ZSCAN5A: variants seen among roughly 807,000 people sequenced by gnomAD.
ZSCAN5A encodes the protein zinc finger and SCAN domain-containing protein 5A.
In ZSCAN5A, 12 loss-of-function variants were observed where a neutral mutation model predicts 23.7. The observed-to-expected ratio is 0.51, with a 90% CI of 0.32 to 0.82. The LOEUF is 0.82. Among genes scored for constraint, ZSCAN5A ranks in the 40% least tolerant of loss-of-function variants. ZSCAN5A has a pLI of 0.03. For synonymous variants in ZSCAN5A, 257 were observed against 239.9 expected (o/e 1.07, Z -0.66); for missense variants, 597 against 617.9 (o/e 0.97, Z 0.36).
At chr19:56,301,881 A>C (rs890532890) in intron 2 of ZSCAN5A, 2 of 1,229,398 alleles carry the variant, frequency 1.6e-6, no homozygotes, top group African/African-American at 3.1e-5. Flanking sequence ...GAGTTTGGAG[A>C]TCAGAATGGA....
chr19:56,225,130 C>T lies in ZSCAN5A; in HGVS notation c.-84G>A, dbSNP rs1297194539. 8 of 1,500,634 alleles carry T rather than the reference C, an allele frequency of 5.3e-6. No homozygotes were observed. In the South Asian group the frequency reaches 9.6e-5, roughly 18 times the overall value. The allele number at this position is 1,500,634 out of a possible 1,614,324, so 93.0% of individuals were successfully genotyped here. ...AATTGATACCTATCTACACAGGCTT[C>T]CTCTGGTTTTCCTCAGTAATAGATT... On this transcript the variant is annotated 5_prime_UTR_variant, in exon 3 of 6. Transcript: ENST00000683990.
intron 4 of ZSCAN5A, 135 bp from the exon 5 acceptor site, chr19:56,222,876 G>C (rs2033432669): frequency 1.7e-6 from 2 of 1,185,102 alleles, no homozygotes; most frequent in African/African-American, 1.5e-5. Flanking sequence ...ACTTCCCCTG[G>C]ACCACCCCAT....
At chr19:56,254,075 A>T (rs377352350) in intron 2 of ZSCAN5A, among the ~76,000 whole-genome samples, 60 of 126,714 alleles carry the variant, frequency 4.7e-4, no homozygotes, top group African/African-American at 1.4e-3. Flanking sequence ...TTTTTTTTTT[A>T]AATAAGTCTT....
At chr19:56,320,108 T>G in intron 2 of ZSCAN5A, 1 of 766,938 alleles carries the variant, frequency 1.3e-6, no homozygotes, top group Non-Finnish European at 2.4e-6. Flanking sequence ...TAGGCTAATT[T>G]CAGAGCCATC....
intron 2 of ZSCAN5A, chr19:56,245,484 G>T: frequency 1.8e-6 from 1 of 546,032 alleles, no homozygotes; most frequent in South Asian, 2.3e-5. Flanking sequence ...GGAGAAAACT[G>T]AGTGTGCCTC....
chr19:56,244,093 C>T lies in ZSCAN5A; in HGVS notation c.-127-18920G>A. On this transcript the variant is annotated intron_variant, in intron 2 of 5. Transcript: ENST00000683990. Reference sequence around the variant, plus strand: ...GGGGTCAGGGAGGACCCTGCAACAGCCCTGAGTCAGAGCCGCCACAGTCTG... The same window carrying T: ...GGGGTCAGGGAGGACCCTGCAACAGTCCTGAGTCAGAGCCGCCACAGTCTG... 3 of 1,399,264 alleles carry T rather than the reference C, an allele frequency of 2.1e-6. No individual in the cohort carries two copies. The South Asian group carries it at 3.6e-5, about 17-fold the overall frequency. 86.7% of individuals were successfully genotyped at this position (1,399,264 alleles called of 1,614,324 possible).
At chr19:56,264,073 A>G (rs2037305129) in intron 2 of ZSCAN5A, among the ~76,000 whole-genome samples, 1 of 151,532 alleles carries the variant, frequency 6.6e-6, no homozygotes, top group South Asian at 2.1e-4. Flanking sequence ...GGCTCACTGC[A>G]ACCTCCGCCT....
chr19:56,302,572 T>C (rs1327056828), intron 2 of ZSCAN5A, among the ~76,000 whole-genome samples: 35 of 61,880 alleles, frequency 5.7e-4, no homozygotes, highest in African/African-American at 2.9e-3. Context: ...CCCTTCCTTT[T>C]CTTCCTCCCC....
At chr19:56,284,177 T>C in intron 2 of ZSCAN5A, 1 of 985,454 alleles carries the variant, frequency 1.0e-6, no homozygotes, top group Non-Finnish European at 1.2e-6. Context: ...ATGCTGACTC[T>C]CCTGGATGGG....
At chr19:56,337,684 C>CTGGGT (rs1306362704) in intron 2 of ZSCAN5A, among the ~76,000 whole-genome samples, 1 of 152,220 alleles carries the variant, frequency 6.6e-6, no homozygotes, top group African/African-American at 2.4e-5. Context: ...GTCACTCATG[C>CTGGGT]TGGGAGCTGT....
At chr19:56,302,555 C>CCTCCTCCCTTCCTTTTCTT (rs2040362103) in intron 2 of ZSCAN5A, among the ~76,000 whole-genome samples, 1 of 95,632 alleles carries the variant, frequency 1.0e-5, no homozygotes, top group Non-Finnish European at 2.1e-5. Context: ...GTTCCTCCCT[C>CCTCCTCCCTTCCTTTTCTT]CCTCCCCCCT....
intron 2 of ZSCAN5A, among the ~76,000 whole-genome samples, chr19:56,328,633 C>CA (rs35621218): frequency 0.011 from 1,463 of 138,980 alleles, 11 homozygotes; most frequent in Middle Eastern, 0.018. Flanking sequence ...GACTCTGACT[C>CA]AAAAAAAAAA....
chr19:56,270,765 G>C (rs2037789654), intron 2 of ZSCAN5A, among the ~76,000 whole-genome samples: 1 of 151,350 alleles, frequency 6.6e-6, no homozygotes, highest in African/African-American at 2.4e-5. Flanking sequence ...GTGGTGGTTG[G>C]TGTGGGGTGG....
intron 2 of ZSCAN5A, among the ~76,000 whole-genome samples, chr19:56,287,871 T>C (rs1273546466): frequency 4.6e-5 from 7 of 152,162 alleles, no homozygotes; most frequent in Admixed American, 4.6e-4. Context: ...TTATAAGCCC[T>C]CTAAGAGGTG....
intron 2 of ZSCAN5A, among the ~76,000 whole-genome samples, chr19:56,307,550 G>A (rs1454105811): frequency 1.3e-5 from 2 of 152,148 alleles, no homozygotes; most frequent in Non-Finnish European, 2.9e-5. Flanking sequence ...GGGTACAGAA[G>A]GCCTCTGCTG....
chr19:56,300,369 G>T (rs887681138), intron 2 of ZSCAN5A, among the ~76,000 whole-genome samples: 1 of 152,162 alleles, frequency 6.6e-6, no homozygotes, highest in Non-Finnish European at 1.5e-5. Flanking sequence ...AAATTCACTT[G>T]GTTATTGGGA....
At chr19:56,292,136 CAG>C (rs1490395699) in intron 2 of ZSCAN5A, among the ~76,000 whole-genome samples, 1 of 152,178 alleles carries the variant, frequency 6.6e-6, no homozygotes, top group Non-Finnish European at 1.5e-5. Flanking sequence ...CTGTGTGGCT[CAG>C]ACTTATTTTC....
chr19:56,309,174 T>C (rs1055565356), intron 2 of ZSCAN5A, among the ~76,000 whole-genome samples: 1 of 152,214 alleles, frequency 6.6e-6, no homozygotes, highest in African/African-American at 2.4e-5. Flanking sequence ...TTGAAAACAC[T>C]GTGCTGAGTG....
intron 2 of ZSCAN5A, among the ~76,000 whole-genome samples, chr19:56,334,068 G>A (rs1365079545): frequency 1.3e-5 from 2 of 152,272 alleles, no homozygotes; most frequent in Admixed American, 6.5e-5. Context: ...AAAATTCAAA[G>A]CATGCATTCC....
Sources: gnomAD v4.1 joint callset for allele counts (sites outside exome capture counted in the v4.1 genomes callset) on GRCh38, gnomAD v4.1.1 for gene constraint, MANE v1.5 for transcripts, NCBI Gene and HGNC (gene_info 2026-07-23, HGNC 2026-07-21) for gene names.